The following GNAQ variants were observed in gnomAD, a reference collection of about 807,000 sequenced individuals.
GNAQ encodes guanine nucleotide-binding protein G(q) subunit alpha.
GNAQ carries 8 observed loss-of-function variants against 43.9 expected under a neutral mutation model. The observed-to-expected ratio is 0.18, with a 90% CI of 0.11 to 0.33. The LOEUF (loss-of-function observed/expected upper bound fraction) is 0.33, where lower values mean the gene tolerates loss of function less well. GNAQ is among the 10% of genes least tolerant of loss of function. The probability of loss-of-function intolerance (pLI) is 1.00; values close to 1 mark genes in which losing one functional copy is unlikely to be tolerated. For missense variants in GNAQ, 158 were observed against 450.8 expected (o/e 0.35, Z 5.88); for synonymous variants, 155 against 170.7 (o/e 0.91, Z 0.71).
At chr9:77,858,761 C>CT (rs1357840093) in intron 2 of GNAQ, among the ~76,000 whole-genome samples, 1 of 151,950 alleles carries the variant, frequency 6.6e-6, no homozygotes, top group Non-Finnish European at 1.5e-5. Flanking sequence ...CACTACTTCT[C>CT]CATATTAGCC....
rs572310175 is a variant in GNAQ, at chr9:77,899,046, T to G, written c.321+23115A>C. Among the ~76,000 whole-genome samples the G allele has an allele frequency of 4.6e-5, 7 of 152,274 alleles. No homozygotes were observed. The East Asian group carries it at 1.4e-3, about 29-fold the overall frequency. On this transcript the variant is annotated intron_variant, in intron 2 of 6. Transcript: ENST00000286548. ...ATAGATATTTGGCTTGTTTCCAAAT[T>G]TTCACTATTATAAACAATGCTGTAC...
At chr9:77,751,990 CT>C (rs1825820376) in intron 5 of GNAQ, among the ~76,000 whole-genome samples, 1 of 152,202 alleles carries the variant, frequency 6.6e-6, no homozygotes, top group South Asian at 2.1e-4. Flanking sequence ...CATGTTCAGG[CT>C]GTGTGATAGA....
intron 1 of GNAQ, among the ~76,000 whole-genome samples, chr9:77,930,641 A>G (rs1173434522): frequency 6.6e-6 from 1 of 152,180 alleles, no homozygotes; most frequent in Non-Finnish European, 1.5e-5. Context: ...ACATATTTTG[A>G]TGTGTGGTGT....
intron 2 of GNAQ, among the ~76,000 whole-genome samples, chr9:77,845,945 G>A (rs146357486): frequency 1.1e-3 from 161 of 152,334 alleles, no homozygotes; most frequent in African/African-American, 3.8e-3. Context: ...AAAGAGAAAT[G>A]TGACCAAGTG....
intron 3 of GNAQ, among the ~76,000 whole-genome samples, chr9:77,811,519 C>A (rs1485089819): frequency 6.6e-6 from 1 of 152,072 alleles, no homozygotes; most frequent in Non-Finnish European, 1.5e-5. Context: ...ACTGGGAAAT[C>A]AGCGATGTTT....
At position 77,955,140 on chromosome 9, in the gene GNAQ, G is replaced by A. The variant is rs929661049; in HGVS notation, c.137-32795C>T. Among the ~76,000 whole-genome samples, 8 of 152,196 alleles carry A rather than the reference G, an allele frequency of 5.3e-5. No individual in the cohort carries two copies. The East Asian group carries it at 1.5e-3, about 29-fold the overall frequency. ...TAAGTGGGAGTGGGGAGGCTTTCAA[G>A]AATCTTTTTCTTGTTTTTTTGAGAT... On this transcript the variant is annotated intron_variant, in intron 1 of 6. Transcript: ENST00000286548.
chr9:77,996,690 A>G (rs796981186), intron 1 of GNAQ, among the ~76,000 whole-genome samples: 82 of 121,350 alleles, frequency 6.8e-4, no homozygotes, highest in African/African-American at 2.0e-3. Flanking sequence ...AAAAAAAAAA[A>G]AAAAAAGAAA....
intron 1 of GNAQ, among the ~76,000 whole-genome samples, chr9:77,972,113 T>C (rs1204102021): frequency 6.6e-6 from 1 of 152,126 alleles, no homozygotes; most frequent in Non-Finnish European, 1.5e-5. Flanking sequence ...GTGACTATCA[T>C]TGAATATTAC....
chr9:77,954,379 A>G lies in GNAQ; in HGVS notation c.137-32034T>C, dbSNP rs186643305. On this transcript the variant is annotated intron_variant, in intron 1 of 6. Coordinates refer to ENST00000286548, the MANE Select transcript of GNAQ (RefSeq NM_002072.5). ...AAGAAGGTGTGCTAATACGATGTCA[A>G]CCTAGGCACAGCACCACCATAGTAC... 1.6e-3 allele frequency among the ~76,000 whole-genome samples: 248 copies of G among 152,346 alleles called. 2 individuals are homozygous for G. The highest frequency in any genetic ancestry group is 4.9e-3 in the African/African-American group (205 of 41,578).
At chr9:77,789,609 G>C (rs1767933103) in intron 5 of GNAQ, among the ~76,000 whole-genome samples, 1 of 151,978 alleles carries the variant, frequency 6.6e-6, no homozygotes, top group African/African-American at 2.4e-5. Context: ...CTTTTTTGCA[G>C]AGGGGTGAAT....
intron 5 of GNAQ, among the ~76,000 whole-genome samples, chr9:77,769,664 CTTTTT>C (rs539379703): frequency 4.6e-5 from 6 of 129,114 alleles, no homozygotes; most frequent in Non-Finnish European, 6.6e-5. Context: ...GACAAGAACT[CTTTTT>C]TTTTTTTTTT....
chr9:77,970,293 C>T (rs1009877000), intron 1 of GNAQ, among the ~76,000 whole-genome samples: 3 of 152,038 alleles, frequency 2.0e-5, no homozygotes, highest in Admixed American at 2.0e-4. Context: ...CTACTCTGCC[C>T]CGTGCTCCTG....
At chr9:77,924,453 T>TA (rs1271945542) in intron 1 of GNAQ, among the ~76,000 whole-genome samples, 5 of 152,054 alleles carry the variant, frequency 3.3e-5, no homozygotes, top group Non-Finnish European at 7.4e-5. Context: ...TAATTCACAA[T>TA]AAAAAAAGAA....
At chr9:78,004,522 G>A (rs529722056) in intron 1 of GNAQ, among the ~76,000 whole-genome samples, 6 of 152,188 alleles carry the variant, frequency 3.9e-5, no homozygotes, top group Non-Finnish European at 7.4e-5. Context: ...GAAGTCCTGC[G>A]TGACATCATC....
chr9:77,724,675 A>G (rs961623555), intron 6 of GNAQ, among the ~76,000 whole-genome samples: 3 of 152,198 alleles, frequency 2.0e-5, no homozygotes, highest in African/African-American at 4.8e-5. Flanking sequence ...CAATAAACTT[A>G]TATCTGATAA....
intron 2 of GNAQ, among the ~76,000 whole-genome samples, chr9:77,816,346 T>C (rs772768919): frequency 3.3e-5 from 5 of 152,200 alleles, no homozygotes; most frequent in Non-Finnish European, 7.3e-5. Flanking sequence ...TCCACTCTTA[T>C]GCACCCAAAC....
chr9:77,851,507 G>A (rs1827675738), intron 2 of GNAQ, among the ~76,000 whole-genome samples: 1 of 152,222 alleles, frequency 6.6e-6, no homozygotes, highest in Non-Finnish European at 1.5e-5. Context: ...AGAGGGCACT[G>A]AAAAGAACCC....
chr9:77,883,662 T>C (rs974844166), intron 2 of GNAQ, among the ~76,000 whole-genome samples: 1 of 151,214 alleles, frequency 6.6e-6, no homozygotes, highest in Non-Finnish European at 1.5e-5. Context: ...CTCCTCGCTT[T>C]TGGCATTCCC....
At chr9:77,725,446 C>T (rs1281456206) in intron 6 of GNAQ, among the ~76,000 whole-genome samples, 3 of 152,044 alleles carry the variant, frequency 2.0e-5, no homozygotes, top group Admixed American at 1.3e-4. Context: ...AGTGTTTGCT[C>T]ATCTTACAAG....
Sources: allele counts gnomAD v4.1 joint callset (sites outside exome capture counted in the v4.1 genomes callset), GRCh38; gene constraint gnomAD v4.1.1; transcripts MANE v1.5; gene names NCBI Gene and HGNC (gene_info 2026-07-23, HGNC 2026-07-21).